Variants in CNTN3 observed in about 807,000 individuals in gnomAD.
The protein encoded by CNTN3 is contactin-3.
In CNTN3, 60 loss-of-function variants were observed where a neutral mutation model predicts 119.1. The ratio of observed to expected loss-of-function variants is 0.50; its 90% CI spans 0.41 to 0.62. The LOEUF (loss-of-function observed/expected upper bound fraction) is 0.62. CNTN3 is among the 20% of genes least tolerant of loss of function. CNTN3 has a pLI of 0.00. For missense variants in CNTN3, 1,101 were observed against 1,242.4 expected (o/e 0.89, Z 1.71); for synonymous variants, 450 against 438.7 (o/e 1.03, Z -0.32).
At chr3:74,423,530 T>C (rs1701649397) in intron 5 of CNTN3, among the ~76,000 whole-genome samples, 1 of 152,172 alleles carries the variant, frequency 6.6e-6, no homozygotes, top group Non-Finnish European at 1.5e-5. Context: ...AGCACGTCCT[T>C]CTGGGTGGTG....
intron 2 of CNTN3, among the ~76,000 whole-genome samples, chr3:74,505,104 T>A (rs1475018330): frequency 6.6e-6 from 1 of 151,986 alleles, no homozygotes; most frequent in Non-Finnish European, 1.5e-5. Flanking sequence ...AATTTCCCCT[T>A]TTTTCATATG....
At chr3:74,451,001 T>C (rs1258097109) in intron 4 of CNTN3, among the ~76,000 whole-genome samples, 1 of 152,122 alleles carries the variant, frequency 6.6e-6, no homozygotes, top group Non-Finnish European at 1.5e-5. Context: ...TATAGCAGCA[T>C]GATTTATAGT....
intron 5 of CNTN3, among the ~76,000 whole-genome samples, chr3:74,419,537 T>C (rs941902275): frequency 1.3e-5 from 2 of 152,232 alleles, no homozygotes; most frequent in Non-Finnish European, 2.9e-5. Context: ...CATTACCTGC[T>C]GTTTGGCATC....
intron 1 of CNTN3, among the ~76,000 whole-genome samples, chr3:74,542,258 T>C (rs1274978602): frequency 6.6e-6 from 1 of 152,124 alleles, no homozygotes; most frequent in Non-Finnish European, 1.5e-5. Flanking sequence ...TCTAGCCTCT[T>C]CAGAGGTGAA....
intron 1 of CNTN3, among the ~76,000 whole-genome samples, chr3:74,606,840 G>A (rs759248327): frequency 6.6e-6 from 1 of 152,024 alleles, no homozygotes; most frequent in African/African-American, 2.4e-5. Context: ...AAAAACTAAT[G>A]TTGCCACTAA....
rs1340177144 is a variant in CNTN3, at chr3:74,614,579, C to T, written c.-269G>A. The stretch of plus-strand genomic sequence containing the variant: ...GCACGGTTCCCGGCCCAGTCCACGG[C>T]GCCAGCCCGCCCGCCGCTGCCACCG... On this transcript the variant is annotated 5_prime_UTR_variant, in exon 1 of 23. Coordinates refer to ENST00000263665, the MANE Select transcript of CNTN3 (RefSeq NM_020872.3). 3.4e-5 allele frequency among the ~76,000 whole-genome samples: 5 copies of T among 148,456 alleles called. No homozygotes were observed. Among genetic ancestry groups the T allele is most frequent in the Admixed American group, 2.7e-4 (4 of 14,934 alleles).
chr3:74,549,321 C>A (rs935690984), intron 1 of CNTN3, among the ~76,000 whole-genome samples: 1 of 152,138 alleles, frequency 6.6e-6, no homozygotes, highest in African/African-American at 2.4e-5. Context: ...TTTCCTGAGG[C>A]CTCCCCATAA....
chr3:74,578,860 A>T lies in CNTN3; in HGVS notation c.-81+35531T>A, dbSNP rs1306509299. ...CTGCAAGGCAGGATAAAATTAAATG[A>T]CACATTCATTGGTCTATGTATAAAT... On this transcript the variant is annotated intron_variant, in intron 1 of 22. Coordinates refer to ENST00000263665, the MANE Select transcript of CNTN3 (RefSeq NM_020872.3). Among the ~76,000 whole-genome samples, 5 of 152,026 alleles carry T rather than the reference A, an allele frequency of 3.3e-5. No individual in the cohort carries two copies. The East Asian group carries it at 9.7e-4, about 29-fold the overall frequency.
At chr3:74,605,447 T>G (rs771156500) in intron 1 of CNTN3, among the ~76,000 whole-genome samples, 1 of 152,112 alleles carries the variant, frequency 6.6e-6, no homozygotes, top group African/African-American at 2.4e-5. Context: ...TTTAAAAAGT[T>G]TGTGTGTGTT....
chr3:74,312,484 C>A (rs974607781), intron 13 of CNTN3, among the ~76,000 whole-genome samples: 134 of 120,618 alleles, frequency 1.1e-3, no homozygotes, highest in African/African-American at 4.7e-3. Context: ...AAAAAAAATG[C>A]TCTGCCCTCA....
chr3:74,367,846 C>T (rs1049737721), intron 8 of CNTN3, among the ~76,000 whole-genome samples: 3 of 151,884 alleles, frequency 2.0e-5, no homozygotes, highest in Non-Finnish European at 2.9e-5. Context: ...TTGGAATATC[C>T]GGTGTGTTCC....
intron 1 of CNTN3, among the ~76,000 whole-genome samples, chr3:74,602,397 T>C (rs1305861134): frequency 6.6e-6 from 1 of 151,776 alleles, no homozygotes; most frequent in East Asian, 1.9e-4. Flanking sequence ...ACATATGTTA[T>C]TTTAGACTAT....
intron 2 of CNTN3, among the ~76,000 whole-genome samples, chr3:74,512,416 G>A (rs769440102): frequency 6.6e-6 from 1 of 151,932 alleles, no homozygotes; most frequent in East Asian, 1.9e-4. Flanking sequence ...TCAAAAAGAG[G>A]GGGAAAAGGG....
intron 5 of CNTN3, among the ~76,000 whole-genome samples, chr3:74,421,629 T>C (rs1267631933): frequency 6.7e-6 from 1 of 149,182 alleles, no homozygotes; most frequent in Non-Finnish European, 1.5e-5. Flanking sequence ...CAAGAAGAAA[T>C]GAAGAAATGT....
chr3:74,486,719 C>A (rs1702866768), intron 3 of CNTN3, 88 bp from the exon 4 acceptor site: 1 of 1,102,192 alleles, frequency 9.1e-7, no homozygotes, highest in Admixed American at 2.8e-5. Flanking sequence ...TAAACATTAT[C>A]CCTCAAAAGT....
chr3:74,571,660 G>A (rs999188524), intron 1 of CNTN3, among the ~76,000 whole-genome samples: 16 of 152,118 alleles, frequency 1.1e-4, no homozygotes, highest in Admixed American at 8.5e-4. Context: ...ACTACAACAG[G>A]AAACTTGAAC....
At chr3:74,450,862 G>A (rs576898636) in intron 4 of CNTN3, among the ~76,000 whole-genome samples, 246 of 151,874 alleles carry the variant, frequency 1.6e-3, no homozygotes, top group African/African-American at 5.3e-3. Flanking sequence ...TTATGGCTGC[G>A]TAGTATTCCA....
At chr3:74,383,833 TATAAAA>T (rs1479690994) in intron 5 of CNTN3, among the ~76,000 whole-genome samples, 1 of 152,200 alleles carries the variant, frequency 6.6e-6, no homozygotes, top group Non-Finnish European at 1.5e-5. Flanking sequence ...CTTGCTCTAA[TATAAAA>T]ATACTGAATT....
intron 4 of CNTN3, among the ~76,000 whole-genome samples, chr3:74,449,228 C>A (rs1393805760): frequency 6.6e-6 from 1 of 151,852 alleles, no homozygotes; most frequent in Non-Finnish European, 1.5e-5. Context: ...TCATTGCCAA[C>A]TGACATCCTG....
Sources: allele counts gnomAD v4.1 joint callset (sites outside exome capture counted in the v4.1 genomes callset), GRCh38; gene constraint gnomAD v4.1.1; transcripts MANE v1.5; gene names NCBI Gene and HGNC (gene_info 2026-07-23, HGNC 2026-07-21).